Variants in BIN2 observed in about 807,000 individuals in gnomAD.
BIN2 encodes breast cancer associated protein BRAP1.
A neutral mutation model predicts 67.9 loss-of-function variants in BIN2; 43 were observed. That is an observed-to-expected ratio of 0.63 (90% CI 0.50 to 0.82). The LOEUF (loss-of-function observed/expected upper bound fraction) is 0.82, where lower values mean the gene tolerates loss of function less well. Ranked by LOEUF, BIN2 falls within the 40% of genes least tolerant of loss-of-function variation. BIN2 has a pLI of 0.00. For missense variants in BIN2, 581 were observed against 671.6 expected (o/e 0.87, Z 1.49); for synonymous variants, 244 against 246.8 (o/e 0.99, Z 0.11).
intron 2 of BIN2, 65 bp from the exon 3 acceptor site, chr12:51,303,206 A>G (rs1945778231): frequency 6.6e-7 from 1 of 1,503,874 alleles, no homozygotes; most frequent in Admixed American, 1.7e-5. Flanking sequence ...TCCAGAGGTC[A>G]AAGTCAAAAA....
In BIN2 at chr12:51,281,373, A is replaced by C; in HGVS notation, c.*126T>G. The C allele has an allele frequency of 1.9e-6, 2 of 1,037,230 alleles. No individual in the cohort carries two copies. Among genetic ancestry groups the C allele is most frequent in the Non-Finnish European group, 3.0e-6 (2 of 671,730 alleles). 64.3% of individuals were successfully genotyped at this position (1,037,230 alleles called of 1,614,324 possible). A position where few individuals can be genotyped will look rare whatever the true frequency, so the allele number is the denominator to read the frequency against. ...CTCCATTAATGCCAGGTCTTTAGAC[A>C]GCACCAGCATTCCTACTGAGAACCC... On this transcript the variant is annotated 3_prime_UTR_variant, in exon 13 of 13. Coordinates refer to ENST00000615107, the MANE Select transcript of BIN2 (RefSeq NM_016293.4).
intron 11 of BIN2, among the ~76,000 whole-genome samples, chr12:51,287,098 A>G (rs114546125): frequency 0.014 from 2,081 of 151,998 alleles, 50 homozygotes; most frequent in African/African-American, 0.047. Flanking sequence ...TGCTAGGATT[A>G]CAGCCACCTT....
chr12:51,305,391 C>A (rs1280311276), intron 2 of BIN2, among the ~76,000 whole-genome samples: 1 of 151,852 alleles, frequency 6.6e-6, no homozygotes, highest in Non-Finnish European at 1.5e-5. Context: ...TTTGGGATGC[C>A]AAGGCAGGAG....
chr12:51,293,472 G>C (rs1945447637), intron 9 of BIN2, among the ~76,000 whole-genome samples: 1 of 152,028 alleles, frequency 6.6e-6, no homozygotes, highest in African/African-American at 2.4e-5. Context: ...ACCATGCCCA[G>C]CTAATTTTTT....
At chr12:51,299,362 T>C (rs1945658137) in intron 6 of BIN2, 74 bp from the exon 7 acceptor site, 8 of 1,437,608 alleles carry the variant, frequency 5.6e-6, no homozygotes, top group Non-Finnish European at 7.8e-6. Context: ...CTTCATCCTC[T>C]GCATTTTTTT....
intron 2 of BIN2, among the ~76,000 whole-genome samples, chr12:51,310,394 T>C (rs535650368): frequency 5.4e-4 from 82 of 152,268 alleles, no homozygotes; most frequent in South Asian, 3.9e-3. Flanking sequence ...AACATGTCAG[T>C]GAGTTGCTGA....
upstream of BIN2, chr12:51,324,426 G>C: frequency 5.6e-6 from 8 of 1,438,268 alleles, no homozygotes; most frequent in South Asian, 1.1e-4. Context: ...GCTCCGGAAA[G>C]CCAGTTCCCA....
intron 1 of BIN2, among the ~76,000 whole-genome samples, chr12:51,318,262 C>CT (rs1267935737): frequency 0.19 from 24,489 of 131,746 alleles, 2,401 homozygotes; most frequent in South Asian, 0.24. Flanking sequence ...TATCTCCATT[C>CT]TTTTTTTTTT....
At chr12:51,281,757 CT>C (rs1373208867) in intron 12 of BIN2, among the ~76,000 whole-genome samples, 3 of 151,344 alleles carry the variant, frequency 2.0e-5, no homozygotes, top group African/African-American at 4.9e-5. Flanking sequence ...AGGAGAATTT[CT>C]TTTTTTTTCT....
At chr12:51,309,474 C>T (rs909356112) in intron 2 of BIN2, among the ~76,000 whole-genome samples, 1 of 152,014 alleles carries the variant, frequency 6.6e-6, no homozygotes, top group African/African-American at 2.4e-5. Flanking sequence ...AATGTATTTA[C>T]CAAAAAGAGA....
intron 1 of BIN2, among the ~76,000 whole-genome samples, chr12:51,316,232 C>G (rs998537698): frequency 1.3e-5 from 2 of 152,044 alleles, no homozygotes; most frequent in Admixed American, 6.6e-5. Context: ...GGCTCATGCG[C>G]CCGGCCTTGG....
At chr12:51,314,245 A>G (rs1946069439) in intron 1 of BIN2, among the ~76,000 whole-genome samples, 1 of 151,694 alleles carries the variant, frequency 6.6e-6, no homozygotes, top group Admixed American at 6.6e-5. Flanking sequence ...ACGGGGTTTC[A>G]CCATGTTGGC....
intron 1 of BIN2, among the ~76,000 whole-genome samples, chr12:51,314,598 G>A (rs1027600008): frequency 4.7e-4 from 71 of 151,898 alleles, no homozygotes; most frequent in African/African-American, 1.6e-3. Context: ...TCGGGAGTTC[G>A]AGGCCAGGCT....
chr12:51,309,479 AAG>A (rs1252621209), intron 2 of BIN2, among the ~76,000 whole-genome samples: 1 of 152,200 alleles, frequency 6.6e-6, no homozygotes, highest in African/African-American at 2.4e-5. Context: ...ATTTACCAAA[AAG>A]AGAATTTCAA....
chr12:51,288,062 C>T (rs4611251), intron 11 of BIN2, 46 bp downstream of exon 11: 1,204,905 of 1,366,950 alleles, frequency 0.88, 534,170 homozygotes, highest in East Asian at 0.94. Context: ...TTTTAATGTA[C>T]AAAAAAATAG....
upstream of BIN2, chr12:51,324,609 T>A (rs1479582582): frequency 1.7e-5 from 23 of 1,373,764 alleles, no homozygotes; most frequent in Non-Finnish European, 2.1e-5. Context: ...CTGGAACTGG[T>A]AGGGATAGAG....
At chr12:51,302,351 C>T (rs1357981384) in intron 4 of BIN2, 2 of 538,568 alleles carry the variant, frequency 3.7e-6, no homozygotes, top group Non-Finnish European at 6.6e-6. Flanking sequence ...AAGGTCAAAG[C>T]CTTGGACTCC....
At chr12:51,311,006 G>C (rs76097982) in intron 2 of BIN2, among the ~76,000 whole-genome samples, 19,892 of 151,784 alleles carry the variant, frequency 0.13, 1,444 homozygotes, top group East Asian at 0.24. Flanking sequence ...ACTTTGGGCT[G>C]CCAAAGTGCT....
chr12:51,308,102 C>A (rs1373290908), intron 2 of BIN2, among the ~76,000 whole-genome samples: 5 of 152,018 alleles, frequency 3.3e-5, no homozygotes, highest in Non-Finnish European at 5.9e-5. Flanking sequence ...CTTTCTCTGA[C>A]CTATCTGTCC....
Sources: gnomAD v4.1 joint callset for allele counts (sites outside exome capture counted in the v4.1 genomes callset) on GRCh38, gnomAD v4.1.1 for gene constraint, MANE v1.5 for transcripts, NCBI Gene and HGNC (gene_info 2026-07-23, HGNC 2026-07-21) for gene names.